The following ACVR1 variants were observed in gnomAD, a reference collection of about 807,000 sequenced individuals.
The protein encoded by ACVR1 is activin receptor type-1.
A neutral mutation model predicts 57.1 loss-of-function variants in ACVR1; 38 were observed. The ratio of observed to expected loss-of-function variants is 0.67; its 90% CI spans 0.51 to 0.87. The LOEUF (loss-of-function observed/expected upper bound fraction) is 0.87, where lower values mean the gene tolerates loss of function less well. Ranked by LOEUF, ACVR1 falls within the 40% of genes least tolerant of loss-of-function variation. The pLI is 0.00. For synonymous variants in ACVR1, 212 were observed against 228.1 expected, an observed-to-expected ratio of 0.93 and a Z score of 0.63; for missense variants, 463 against 638.2, an observed-to-expected ratio of 0.73 and a Z score of 2.96.
At chr2:157,863,522 C>A (rs1282248434) in intron 1 of ACVR1, among the ~76,000 whole-genome samples, 2 of 150,352 alleles carry the variant, frequency 1.3e-5, no homozygotes, top group African/African-American at 4.9e-5. Flanking sequence ...CAGGGCAAAA[C>A]CCCATCTCTA....
chr2:157,749,562 C>T (rs147518904), intron 9 of ACVR1, among the ~76,000 whole-genome samples: 1 of 152,330 alleles, frequency 6.6e-6, no homozygotes, highest in Admixed American at 6.5e-5. Flanking sequence ...TTCACTTGAT[C>T]ATTCTCCTCA....
intron 8 of ACVR1, among the ~76,000 whole-genome samples, chr2:157,762,045 C>T (rs1685678747): frequency 1.3e-5 from 2 of 152,114 alleles, no homozygotes; most frequent in African/African-American, 2.4e-5. Context: ...TTATCTCATC[C>T]TTAATAATTA....
At chr2:157,825,105 T>C (rs979031080) in intron 1 of ACVR1, among the ~76,000 whole-genome samples, 1 of 152,186 alleles carries the variant, frequency 6.6e-6, no homozygotes, top group Non-Finnish European at 1.5e-5. Flanking sequence ...TCCTTATTTC[T>C]TTCCCTATGC....
At position 157,872,477 on chromosome 2, in the gene ACVR1, C is replaced by T. The variant is rs907734871; in HGVS notation, c.-183+3319G>A. The stretch of plus-strand genomic sequence containing the variant: ...GCTAGCTTCAGCCCAGCCTGTGTCT[C>T]CCATAACTACAGCCAGGTGAAACCT... On this transcript the variant is annotated intron_variant, in intron 1 of 10. Transcript: ENST00000434821. Among the ~76,000 whole-genome samples the T allele has an allele frequency of 1.1e-4, 16 of 152,282 alleles. 1 individual carries two copies. Among genetic ancestry groups the T allele is most frequent in the Admixed American group, 7.8e-4 (12 of 15,294 alleles).
At chr2:157,808,879 T>TAAAAAAA (rs71404307) in intron 2 of ACVR1, among the ~76,000 whole-genome samples, 1 of 137,976 alleles carries the variant, frequency 7.2e-6, no homozygotes, top group Non-Finnish European at 1.5e-5. Context: ...GTAATACATT[T>TAAAAAAA]AAAAAAAAAA....
At chr2:157,806,317 C>T (rs1687545055) in intron 2 of ACVR1, among the ~76,000 whole-genome samples, 1 of 152,024 alleles carries the variant, frequency 6.6e-6, no homozygotes, top group Non-Finnish European at 1.5e-5. Flanking sequence ...CTCCCACTGC[C>T]CCCAGAAAAG....
At chr2:157,864,642 A>C (rs1689850496) in intron 1 of ACVR1, among the ~76,000 whole-genome samples, 1 of 152,214 alleles carries the variant, frequency 6.6e-6, no homozygotes, top group Admixed American at 6.5e-5. Context: ...TAAATATCTC[A>C]AAATTTCCAA....
intron 2 of ACVR1, among the ~76,000 whole-genome samples, chr2:157,806,048 G>A (rs1254127103): frequency 3.3e-5 from 5 of 151,606 alleles, no homozygotes; most frequent in South Asian, 2.1e-4. Flanking sequence ...GTCTGGTCTC[G>A]AACTCCTGGG....
At chr2:157,851,455 G>A (rs1009301751) in intron 1 of ACVR1, among the ~76,000 whole-genome samples, 5 of 152,072 alleles carry the variant, frequency 3.3e-5, no homozygotes, top group African/African-American at 1.2e-4. Flanking sequence ...TCAAACAGAA[G>A]TATGAGCAAC....
intron 8 of ACVR1, among the ~76,000 whole-genome samples, chr2:157,763,632 A>T (rs777332438): frequency 6.6e-6 from 1 of 152,144 alleles, no homozygotes; most frequent in Non-Finnish European, 1.5e-5. Flanking sequence ...TGAGGCAGGA[A>T]GATTGCTTAA....
At chr2:157,774,983 C>CA (rs1686225194) in intron 5 of ACVR1, among the ~76,000 whole-genome samples, 1 of 152,098 alleles carries the variant, frequency 6.6e-6, no homozygotes, top group Non-Finnish European at 1.5e-5. Context: ...CTTTAGTTGC[C>CA]ATACCAACTA....
At chr2:157,798,194 T>C (rs1384466692) in intron 3 of ACVR1, among the ~76,000 whole-genome samples, 2 of 150,250 alleles carry the variant, frequency 1.3e-5, no homozygotes, top group Non-Finnish European at 2.9e-5. Flanking sequence ...AACCCTGTCA[T>C]ACATAAAAAC....
chr2:157,799,283 T>C, intron 3 of ACVR1, 144 bp downstream of exon 3: 1 of 639,320 alleles, frequency 1.6e-6, no homozygotes. Context: ...TATAAGAATT[T>C]CCTTCAAAAT....
intron 3 of ACVR1, among the ~76,000 whole-genome samples, chr2:157,798,359 C>A (rs1462511901): frequency 6.6e-6 from 1 of 151,714 alleles, no homozygotes; most frequent in Admixed American, 6.6e-5. Context: ...GGTAAGAGAC[C>A]ACTTATGACA....
intron 1 of ACVR1, among the ~76,000 whole-genome samples, chr2:157,818,807 G>A (rs895173933): frequency 4.6e-5 from 7 of 152,018 alleles, no homozygotes; most frequent in East Asian, 1.9e-4. Context: ...GGCCGGGCGC[G>A]GTGGCTCACG....
At chr2:157,771,884 C>T (rs945440261) in intron 6 of ACVR1, among the ~76,000 whole-genome samples, 7 of 152,172 alleles carry the variant, frequency 4.6e-5, no homozygotes, top group African/African-American at 1.7e-4. Flanking sequence ...AGCAATTTGC[C>T]AGCATTTATA....
intron 1 of ACVR1, among the ~76,000 whole-genome samples, chr2:157,825,907 G>C (rs1688329681): frequency 6.6e-6 from 1 of 152,174 alleles, no homozygotes; most frequent in African/African-American, 2.4e-5. Context: ...AACAGAATCA[G>C]ACTTCTCTGG....
At chr2:157,848,488 A>G (rs987535734) in intron 1 of ACVR1, among the ~76,000 whole-genome samples, 3 of 152,150 alleles carry the variant, frequency 2.0e-5, no homozygotes, top group Non-Finnish European at 4.4e-5. Flanking sequence ...CCAGCCCCCA[A>G]CCTTCAAGAA....
chr2:157,793,512 A>C (rs985949064), intron 3 of ACVR1, among the ~76,000 whole-genome samples: 4 of 152,228 alleles, frequency 2.6e-5, no homozygotes, highest in African/African-American at 9.6e-5. Context: ...CTTGATAATA[A>C]AGAAGCAGTG....
Sources: gnomAD v4.1 joint callset for allele counts (sites outside exome capture counted in the v4.1 genomes callset) on GRCh38, gnomAD v4.1.1 for gene constraint, MANE v1.5 for transcripts, NCBI Gene and HGNC (gene_info 2026-07-23, HGNC 2026-07-21) for gene names.